The following NUP205 variants were observed in gnomAD, a reference collection of about 807,000 sequenced individuals.
NUP205 encodes the protein nucleoporin 205, also known as nuclear pore complex protein Nup205.
In NUP205, 76 loss-of-function variants were observed where a neutral mutation model predicts 253.8. The observed-to-expected ratio is 0.30, with a 90% CI of 0.25 to 0.36. NUP205 has a LOEUF of 0.36. Ranked by LOEUF, NUP205 falls within the 10% of genes least tolerant of loss-of-function variation. The probability of loss-of-function intolerance (pLI) is 1.00; values close to 1 mark genes in which losing one functional copy is unlikely to be tolerated. For missense variants in NUP205, 2,162 were observed against 2,425.5 expected (o/e 0.89, Z 2.28); for synonymous variants, 832 against 850.1 (o/e 0.98, Z 0.37).
At chr7:135,648,279 C>T (rs1795051390) in intron 42 of NUP205, 125 bp from the exon 43 acceptor site, 3 of 777,536 alleles carry the variant, frequency 3.9e-6, no homozygotes, top group South Asian at 3.9e-5. Flanking sequence ...TACAAAAATT[C>T]AAAAGTATTT....
intron 21 of NUP205, 133 bp from the exon 22 acceptor site, chr7:135,607,114 T>A: frequency 7.9e-7 from 1 of 1,260,604 alleles, no homozygotes; most frequent in South Asian, 1.5e-5. Flanking sequence ...TTATCAATTT[T>A]CTGTTATCAG....
Position 135,573,839 on chromosome 7 carries a change from TAAC to T in NUP205, c.343+15_343+17del. ...TTCTTCTTGCTGGTAGGTTGACATT[TAAC>T]TGAAACAGTGGTAAAATAATGCAAA... On this transcript the variant is annotated intron_variant, in intron 3 of 42. Transcript: ENST00000285968. The T allele has an allele frequency of 6.3e-7, 1 of 1,596,580 alleles. No homozygotes were observed. Among genetic ancestry groups the T allele is most frequent in the Non-Finnish European group, 8.5e-7 (1 of 1,170,870 alleles).
In NUP205 at chr7:135,610,621, C is replaced by T. The variant is rs577622584; in HGVS notation, c.3195+3250C>T. ...TATTAGTGCAGAATCTGAGGCCCCA[C>T]TTTAGACCTGATGAGTCAGGATCTG... On this transcript the variant is annotated intron_variant, in intron 22 of 42. Coordinates refer to ENST00000285968, the MANE Select transcript of NUP205 (RefSeq NM_015135.3). Among the ~76,000 whole-genome samples the T allele has an allele frequency of 4.6e-5, 7 of 152,338 alleles. No individual in the cohort carries two copies. The East Asian group carries it at 1.2e-3, about 25-fold the overall frequency.
chr7:135,587,790 T>TC, intron 9 of NUP205, 65 bp from the exon 10 acceptor site: 1 of 1,546,368 alleles, frequency 6.5e-7, no homozygotes, highest in Admixed American at 2.1e-5. Context: ...AAATGTCCTT[T>TC]TTTTTATTGA....
At chr7:135,595,216 C>T (rs1793796275) in intron 13 of NUP205, among the ~76,000 whole-genome samples, 1 of 151,338 alleles carries the variant, frequency 6.6e-6, no homozygotes, top group South Asian at 2.1e-4. Flanking sequence ...CAAGTTTGCA[C>T]TGATTTTTGT....
At chr7:135,596,882 A>G (rs1296479847) in intron 13 of NUP205, among the ~76,000 whole-genome samples, 1 of 151,282 alleles carries the variant, frequency 6.6e-6, no homozygotes, top group Admixed American at 6.6e-5. Flanking sequence ...GCTTGAGCCC[A>G]GGAGACGGAG....
rs897876404 is a variant in NUP205, at chr7:135,604,297, A to T, written c.2703-43A>T. 1.9e-6 allele frequency: 3 copies of T among 1,552,730 alleles called. No individual in the cohort carries two copies. In the Admixed American group the frequency reaches 6.1e-5, roughly 32 times the overall value. ...CTTTATTGAGAATAGTGAGACACCA[A>T]AAATTTTATCACTGTTCCTCAAATG... On this transcript the variant is annotated intron_variant, in intron 18 of 42. Transcript: ENST00000285968.
intron 17 of NUP205, among the ~76,000 whole-genome samples, chr7:135,601,967 A>G (rs189830459): frequency 1.3e-5 from 2 of 152,304 alleles, no homozygotes; most frequent in East Asian, 1.9e-4. Flanking sequence ...AATGCATTCA[A>G]TCTATTCAAA....
At position 135,579,673 on chromosome 7, in the gene NUP205, T is replaced by C. The variant is rs187996747; in HGVS notation, c.1042+758T>C. Among the ~76,000 whole-genome samples, 16 of 152,180 alleles carry C rather than the reference T, an allele frequency of 1.1e-4. No individual in the cohort carries two copies. In the East Asian group the frequency reaches 1.9e-3, roughly 18 times the overall value. ...AAGAACAGATGTGGAATCCCGACTT[T>C]TCTTTTTTGTGGCCCAGGCTGGAGT... is the stretch of plus-strand genomic sequence containing the variant. On this transcript the variant is annotated intron_variant, in intron 7 of 42. Coordinates refer to ENST00000285968, the MANE Select transcript of NUP205 (RefSeq NM_015135.3).
At chr7:135,575,423 G>A (rs370592401) in intron 3 of NUP205, among the ~76,000 whole-genome samples, 2 of 152,102 alleles carry the variant, frequency 1.3e-5, no homozygotes, top group East Asian at 3.9e-4. Context: ...AAGGAGTAGA[G>A]TGGAGGAGTA....
At chr7:135,582,015 G>GTAACATT (rs1806319057) in intron 7 of NUP205, among the ~76,000 whole-genome samples, 1 of 152,172 alleles carries the variant, frequency 6.6e-6, no homozygotes, top group Non-Finnish European at 1.5e-5. Flanking sequence ...GCTGGGCATA[G>GTAACATT]TGGCTCATGC....
At chr7:135,631,862 G>T (rs1233220021) in intron 35 of NUP205, among the ~76,000 whole-genome samples, 1 of 150,980 alleles carries the variant, frequency 6.6e-6, no homozygotes, top group Non-Finnish European at 1.5e-5. Flanking sequence ...CCATTCTCCT[G>T]CCTCAGCCTC....
intron 42 of NUP205, 102 bp downstream of exon 42, chr7:135,646,333 C>A (rs894993647): frequency 1.2e-6 from 1 of 828,496 alleles, no homozygotes; most frequent in Non-Finnish European, 2.0e-6. Flanking sequence ...GAGGCCGAGA[C>A]GGGAGGATTG....
chr7:135,648,624 GTTTCT>G lies in NUP205; in HGVS notation c.*71_*75del. ...AGAATTGTCTCCATTTTATAGATTA[GTTTCT>G]TTCTAAATTATGACCAAAAATATTT... On this transcript the variant is annotated 3_prime_UTR_variant, in exon 43 of 43. Transcript: ENST00000285968. 1 of 1,247,362 alleles carries G rather than the reference GTTTCT, an allele frequency of 8.0e-7. No individual in the cohort carries two copies. The highest frequency in any genetic ancestry group is 2.5e-5 in the South Asian group (1 of 40,210). 77.3% of individuals were successfully genotyped at this position (1,247,362 alleles called of 1,614,324 possible). A position where few individuals can be genotyped will look rare whatever the true frequency, so the allele number is the denominator to read the frequency against.
rs750426607 is a variant in NUP205 at position 135,571,158 on chromosome 7, C to T, written c.82C>T (p.Leu28Phe). 3.2e-6 allele frequency: 5 copies of T among 1,540,902 alleles called. No individual in the cohort carries two copies. In the Admixed American group the frequency reaches 5.7e-5, roughly 18 times the overall value. The stretch of plus-strand genomic sequence containing the variant: ...CATTTGGCATAAAGTGGGAAATGCT[C>T]TTTGGAGAAGACAACCTGAAGCTGT... ...KDIWHKVGNA[L>F]WRRQPEAVHL... is the part of the protein sequence containing the mutation. Residue 28 changes from leucine to phenylalanine, a missense_variant, in exon 2 of 43, where the codon CTT (leucine) becomes TTT (phenylalanine). By Grantham distance (22) the Leu-to-Phe change is conservative. Transcript: ENST00000285968.
intron 13 of NUP205, among the ~76,000 whole-genome samples, chr7:135,594,994 A>C (rs1326837024): frequency 2.0e-5 from 3 of 152,106 alleles, no homozygotes; most frequent in Admixed American, 6.5e-5. Flanking sequence ...GATGTCTATT[A>C]AGATATTACT....
chr7:135,599,421 A>G (rs917092954), intron 15 of NUP205, among the ~76,000 whole-genome samples: 2 of 152,152 alleles, frequency 1.3e-5, no homozygotes, highest in African/African-American at 4.8e-5. Flanking sequence ...GAGGTGGGGT[A>G]TACACTTTAC....
At chr7:135,624,767 C>T (rs563285517) in intron 31 of NUP205, among the ~76,000 whole-genome samples, 1 of 152,116 alleles carries the variant, frequency 6.6e-6, no homozygotes, top group Non-Finnish European at 1.5e-5. Flanking sequence ...AGGGGTGAGC[C>T]ACTGTGCCCA....
In NUP205 at chr7:135,617,908, A is replaced by G. The variant is rs80343905; in HGVS notation, c.3771+226A>G. On this transcript the variant is annotated intron_variant, in intron 27 of 42. Coordinates refer to ENST00000285968, the MANE Select transcript of NUP205 (RefSeq NM_015135.3). ...CTGCTAGGCTAGTTAAGGATTTGCA[A>G]CCTGACCATATTTCGTATTAGACTT... Among the ~76,000 whole-genome samples the G allele has an allele frequency of 5.5e-3, 831 of 151,418 alleles. 12 individuals carry two copies. The highest frequency in any genetic ancestry group is 0.05 in the East Asian group (257 of 5,152).
Sources: allele counts gnomAD v4.1 joint callset (sites outside exome capture counted in the v4.1 genomes callset), GRCh38; gene constraint gnomAD v4.1.1; transcripts MANE v1.5; gene names NCBI Gene and HGNC (gene_info 2026-07-23, HGNC 2026-07-21).